The following PCCA variants were observed in gnomAD, a reference collection of about 807,000 sequenced individuals.
PCCA encodes propionyl-CoA carboxylase subunit alpha.
Under a neutral mutation model 101.3 loss-of-function variants are expected in PCCA, and 74 were observed. That is an observed-to-expected ratio of 0.73 (90% CI 0.61 to 0.89). PCCA has a LOEUF of 0.89. Ranked by LOEUF, PCCA falls within the 40% of genes least tolerant of loss-of-function variation. The pLI, the probability that PCCA is intolerant of heterozygous loss-of-function variation, is 0.00. For missense variants in PCCA, 891 were observed against 907.0 expected, an observed-to-expected ratio of 0.98 and a Z score of 0.23; for synonymous variants, 294 against 313.6, an observed-to-expected ratio of 0.94 and a Z score of 0.66.
At chr13:100,112,155 G>T in intron 4 of PCCA, 94 bp downstream of exon 4, 7 of 830,894 alleles carry the variant, frequency 8.4e-6, no homozygotes, top group East Asian at 5.3e-5. Context: ...GCCTGCACAA[G>T]ATACATTCAA....
intron 1 of PCCA, among the ~76,000 whole-genome samples, chr13:100,097,142 A>G (rs2046844617): frequency 6.6e-6 from 1 of 152,236 alleles, no homozygotes. Flanking sequence ...TTTGAAGGGT[A>G]GACACACAAG....
At chr13:100,304,475 G>A (rs752812676) in intron 14 of PCCA, among the ~76,000 whole-genome samples, 1 of 152,182 alleles carries the variant, frequency 6.6e-6, no homozygotes, top group Non-Finnish European at 1.5e-5. Context: ...GGCCTGTCAT[G>A]GAGGCCCATG....
At chr13:100,224,072 C>G (rs1202497295) in intron 7 of PCCA, among the ~76,000 whole-genome samples, 4 of 152,190 alleles carry the variant, frequency 2.6e-5, no homozygotes, top group Non-Finnish European at 5.9e-5. Context: ...CTTGGGTGGT[C>G]GATGGGACTG....
intron 7 of PCCA, among the ~76,000 whole-genome samples, chr13:100,225,573 A>C (rs1470221063): frequency 6.6e-6 from 1 of 152,230 alleles, no homozygotes; most frequent in Non-Finnish European, 1.5e-5. Context: ...AATCATTTAA[A>C]AAAGACCCTA....
In PCCA at chr13:100,425,592, G is replaced by A. The variant is rs1053649287; in HGVS notation, c.1747-41G>A. 5 of 1,366,412 alleles carry A rather than the reference G, an allele frequency of 3.7e-6. No homozygotes were observed. In the African/African-American group the frequency reaches 7.1e-5, roughly 19 times the overall value. The allele number at this position is 1,366,412 out of a possible 1,614,324, so 84.6% of individuals were successfully genotyped here. ...GCAATGAACTTGAGATCAGTTTTCT[G>A]TCTTTCTTCATGGTAATGGTCTTAT... On this transcript the variant is annotated intron_variant, in intron 19 of 23. Transcript: ENST00000376285.
At chr13:100,401,019 A>G (rs1369649110) in intron 19 of PCCA, among the ~76,000 whole-genome samples, 1 of 152,248 alleles carries the variant, frequency 6.6e-6, no homozygotes, top group East Asian at 1.9e-4. Context: ...ACTTTTTAGA[A>G]TATGTTCAAA....
At chr13:100,431,467 T>C (rs1015170751) in intron 20 of PCCA, among the ~76,000 whole-genome samples, 3 of 152,344 alleles carry the variant, frequency 2.0e-5, no homozygotes, top group African/African-American at 7.2e-5. Flanking sequence ...GTTTTGCGTT[T>C]GTGTAGATAA....
At chr13:100,227,079 C>G (rs536707496) in intron 7 of PCCA, among the ~76,000 whole-genome samples, 1 of 152,304 alleles carries the variant, frequency 6.6e-6, no homozygotes, top group South Asian at 2.1e-4. Flanking sequence ...TCTTGGCTCA[C>G]TGCAACCTCC....
intron 19 of PCCA, among the ~76,000 whole-genome samples, chr13:100,390,484 T>C (rs1487946174): frequency 3.9e-5 from 6 of 151,948 alleles, no homozygotes; most frequent in Admixed American, 3.3e-4. Flanking sequence ...ACGGGTTGAA[T>C]TGAGGAGAAA....
At chr13:100,451,743 C>T (rs1477280725) in intron 21 of PCCA, among the ~76,000 whole-genome samples, 1 of 97,202 alleles carries the variant, frequency 1.0e-5, no homozygotes, top group African/African-American at 4.5e-5. Context: ...TCTCTCTTCT[C>T]TCCTTCCTCT....
chr13:100,381,523 T>A lies in PCCA; in HGVS notation c.1746+12949T>A, dbSNP rs367899446. 1.1e-3 allele frequency among the ~76,000 whole-genome samples: 166 copies of A among 152,366 alleles called. 6 individuals carry two copies. In the South Asian group the frequency reaches 0.031, roughly 29 times the overall value. ...TTCCTCAAATGGTTAAATATCTGGG[T>A]TATTCAGAACCTTGGCTCTGTTGTA... On this transcript the variant is annotated intron_variant, in intron 19 of 23. Coordinates refer to ENST00000376285, the MANE Select transcript of PCCA (RefSeq NM_000282.4).
At chr13:100,407,978 C>A (rs954701883) in intron 19 of PCCA, among the ~76,000 whole-genome samples, 1 of 152,062 alleles carries the variant, frequency 6.6e-6, no homozygotes, top group Admixed American at 6.5e-5. Flanking sequence ...TGGTGAGACC[C>A]TGTCTCTACT....
At chr13:100,253,918 G>T (rs1276244324) in intron 8 of PCCA, among the ~76,000 whole-genome samples, 3 of 150,652 alleles carry the variant, frequency 2.0e-5, no homozygotes, top group East Asian at 1.9e-4. Context: ...TTTACGAGTA[G>T]AATTTGTATT....
At chr13:100,200,180 C>G (rs1022330219) in intron 6 of PCCA, among the ~76,000 whole-genome samples, 1 of 152,188 alleles carries the variant, frequency 6.6e-6, no homozygotes, top group Non-Finnish European at 1.5e-5. Flanking sequence ...TCTTGGCTCA[C>G]TGCAAGCTCT....
At chr13:100,265,574 A>G (rs1354161947) in intron 10 of PCCA, among the ~76,000 whole-genome samples, 1 of 152,050 alleles carries the variant, frequency 6.6e-6, no homozygotes, top group Non-Finnish European at 1.5e-5. Flanking sequence ...ACCTACGCCT[A>G]CACCCACCCA....
At chr13:100,346,180 A>T (rs757476319) in intron 18 of PCCA, among the ~76,000 whole-genome samples, 2 of 152,212 alleles carry the variant, frequency 1.3e-5, no homozygotes. Context: ...TCACAAGGCG[A>T]TAGCTGCCAT....
intron 12 of PCCA, among the ~76,000 whole-genome samples, chr13:100,276,504 C>T (rs1424335661): frequency 6.6e-6 from 1 of 151,992 alleles, no homozygotes; most frequent in East Asian, 1.9e-4. Context: ...AATTCTCCAC[C>T]ATTATTACTT....
chr13:100,527,292 C>T (rs9518087), intron 22 of PCCA: 5 of 474,120 alleles, frequency 1.1e-5, no homozygotes, highest in Non-Finnish European at 2.2e-5. Flanking sequence ...CCTCTTCAAC[C>T]CCAGGCAACC....
chr13:100,324,799 G>A (rs1333738880), intron 16 of PCCA, among the ~76,000 whole-genome samples: 1 of 152,178 alleles, frequency 6.6e-6, no homozygotes, highest in Non-Finnish European at 1.5e-5. Context: ...AAAACACCAT[G>A]TGATGCTGAT....
Sources: allele counts gnomAD v4.1 joint callset (sites outside exome capture counted in the v4.1 genomes callset), GRCh38; gene constraint gnomAD v4.1.1; transcripts MANE v1.5; gene names NCBI Gene and HGNC (gene_info 2026-07-23, HGNC 2026-07-21).